UVRAG: variants seen among roughly 807,000 people sequenced by gnomAD.
UVRAG encodes the protein UV radiation resistance associated.
Under a neutral mutation model 78.0 loss-of-function variants are expected in UVRAG, and 19 were observed. The observed-to-expected ratio is 0.24, with a 90% confidence interval of 0.17 to 0.36. The LOEUF is 0.36. Among genes scored for constraint, UVRAG ranks in the 10% least tolerant of loss-of-function variants. UVRAG has a pLI of 1.00. For synonymous variants in UVRAG, 323 were observed against 324.6 expected (o/e 1.00, Z 0.05); for missense variants, 740 against 853.8 (o/e 0.87, Z 1.66).
chr11:75,908,380 A>G (rs1947663854), intron 5 of UVRAG, among the ~76,000 whole-genome samples: 2 of 152,204 alleles, frequency 1.3e-5, no homozygotes, highest in African/African-American at 2.4e-5. Flanking sequence ...TGCTATGAAT[A>G]TGGATATACA....
chr11:76,075,292 A>G (rs746800255), intron 13 of UVRAG, among the ~76,000 whole-genome samples: 1 of 152,206 alleles, frequency 6.6e-6, no homozygotes, highest in Non-Finnish European at 1.5e-5. Flanking sequence ...TATATTTCAC[A>G]TAACATACAA....
intron 13 of UVRAG, among the ~76,000 whole-genome samples, chr11:76,092,361 G>C (rs1343143085): frequency 6.6e-6 from 1 of 152,160 alleles, no homozygotes; most frequent in Non-Finnish European, 1.5e-5. Context: ...CCAGTAATAG[G>C]ATGGCTGGGT....
chr11:75,840,969 G>T (rs902409355), intron 1 of UVRAG, among the ~76,000 whole-genome samples: 2 of 152,110 alleles, frequency 1.3e-5, no homozygotes, highest in Non-Finnish European at 2.9e-5. Context: ...TAAATTCTTA[G>T]TTCAGTAGTT....
intron 14 of UVRAG, among the ~76,000 whole-genome samples, chr11:76,117,758 G>A (rs1411890325): frequency 6.6e-6 from 1 of 152,140 alleles, no homozygotes; most frequent in Non-Finnish European, 1.5e-5. Flanking sequence ...GCCCAGATAG[G>A]GCTGAGCCAA....
At chr11:75,951,110 C>G (rs1448467300) in intron 6 of UVRAG, among the ~76,000 whole-genome samples, 1 of 151,668 alleles carries the variant, frequency 6.6e-6, no homozygotes, top group African/African-American at 2.4e-5. Context: ...ATATATTTTC[C>G]TATGTGTTAT....
intron 14 of UVRAG, among the ~76,000 whole-genome samples, chr11:76,138,066 C>G (rs1468461235): frequency 2.0e-5 from 3 of 152,154 alleles, no homozygotes; most frequent in Non-Finnish European, 4.4e-5. Flanking sequence ...TCAGAAAATA[C>G]CAAAGTTCCC....
chr11:76,083,200 G>GT (rs1164221698), intron 13 of UVRAG, among the ~76,000 whole-genome samples: 1 of 152,032 alleles, frequency 6.6e-6, no homozygotes, highest in Non-Finnish European at 1.5e-5. Flanking sequence ...AACCTTTCAG[G>GT]TTTTTGTTAT....
chr11:75,828,772 T>TAC (rs1219364669), intron 1 of UVRAG, among the ~76,000 whole-genome samples: 2 of 111,178 alleles, frequency 1.8e-5, no homozygotes, highest in Non-Finnish European at 3.6e-5. Context: ...TATATATATA[T>TAC]ATACACACAT....
At chr11:76,097,303 C>G (rs1262270834) in intron 13 of UVRAG, among the ~76,000 whole-genome samples, 1 of 152,110 alleles carries the variant, frequency 6.6e-6, no homozygotes, top group Non-Finnish European at 1.5e-5. Context: ...CTACATTACT[C>G]TCTCTCCTCC....
intron 6 of UVRAG, among the ~76,000 whole-genome samples, chr11:75,955,208 C>T (rs190211633): frequency 2.6e-5 from 4 of 152,138 alleles, no homozygotes; most frequent in African/African-American, 9.7e-5. Flanking sequence ...CACACAAACA[C>T]ACCCAGACCA....
chr11:76,117,574 G>A (rs1814582451), intron 14 of UVRAG, among the ~76,000 whole-genome samples: 1 of 152,234 alleles, frequency 6.6e-6, no homozygotes, highest in African/African-American at 2.4e-5. Context: ...TATTGATAAA[G>A]CTACTTGGAA....
intron 14 of UVRAG, among the ~76,000 whole-genome samples, chr11:76,134,643 G>A (rs1175957772): frequency 2.0e-5 from 3 of 152,198 alleles, no homozygotes; most frequent in South Asian, 2.1e-4. Context: ...TCTCAGTTGC[G>A]CCTTCTGTAA....
At chr11:75,918,042 A>G (rs1163687342) in intron 6 of UVRAG, among the ~76,000 whole-genome samples, 2 of 151,978 alleles carry the variant, frequency 1.3e-5, no homozygotes, top group Non-Finnish European at 1.5e-5. Context: ...AATCCTTACA[A>G]TCTTTTACAC....
intron 14 of UVRAG, among the ~76,000 whole-genome samples, chr11:76,116,450 G>A (rs1417375612): frequency 6.6e-6 from 1 of 152,214 alleles, no homozygotes; most frequent in Non-Finnish European, 1.5e-5. Flanking sequence ...CAGGGGGTCA[G>A]GACTTAGTTT....
At chr11:75,846,661 T>C (rs770047434) in intron 1 of UVRAG, among the ~76,000 whole-genome samples, 5 of 152,324 alleles carry the variant, frequency 3.3e-5, no homozygotes, top group Non-Finnish European at 5.9e-5. Context: ...GCTGTTGTCT[T>C]TGAATTGTGT....
chr11:76,007,200 C>T (rs1174240043), intron 9 of UVRAG, among the ~76,000 whole-genome samples: 7 of 151,958 alleles, frequency 4.6e-5, no homozygotes, highest in African/African-American at 7.3e-5. Flanking sequence ...TTTGTAGAGA[C>T]GGGGTCTCCC....
At chr11:75,974,351 CTTTTTTTT>C (rs1188190094) in intron 7 of UVRAG, among the ~76,000 whole-genome samples, 3 of 83,700 alleles carry the variant, frequency 3.6e-5, no homozygotes, top group East Asian at 4.4e-4. Context: ...TAAATGTCTT[CTTTTTTTT>C]TTTTTTTTTT....
chr11:76,016,301 T>A (rs370171918), intron 11 of UVRAG, among the ~76,000 whole-genome samples: 1 of 152,312 alleles, frequency 6.6e-6, no homozygotes, highest in East Asian at 1.9e-4. Context: ...TGTAACCCTG[T>A]CTTTTTCAAT....
intron 6 of UVRAG, among the ~76,000 whole-genome samples, chr11:75,950,308 G>A (rs1555093661): frequency 6.6e-6 from 1 of 152,052 alleles, no homozygotes; most frequent in Non-Finnish European, 1.5e-5. Flanking sequence ...CACCAGGCTC[G>A]GAGTGCAGTA....
Sources: allele counts gnomAD v4.1 joint callset (sites outside exome capture counted in the v4.1 genomes callset), GRCh38; gene constraint gnomAD v4.1.1; transcripts MANE v1.5; gene names NCBI Gene and HGNC (gene_info 2026-07-23, HGNC 2026-07-21).